Variants in ZNF704 observed in about 807,000 individuals in gnomAD.
ZNF704 encodes zinc finger protein 704.
ZNF704 carries 10 observed loss-of-function variants against 44.7 expected under a neutral mutation model. The ratio of observed to expected loss-of-function variants is 0.22; its 90% CI spans 0.14 to 0.38. ZNF704 has a LOEUF of 0.38. Among genes scored for constraint, ZNF704 ranks in the 10% least tolerant of loss-of-function variants. The pLI, the probability that ZNF704 is intolerant of heterozygous loss-of-function variation, is 1.00. For synonymous variants in ZNF704, 211 were observed against 207.6 expected (o/e 1.02, Z -0.14); for missense variants, 390 against 545.5 (o/e 0.71, Z 2.84).
chr8:80,848,614 G>A (rs1020538575), intron 1 of ZNF704, among the ~76,000 whole-genome samples: 2 of 152,052 alleles, frequency 1.3e-5, no homozygotes, highest in Admixed American at 1.3e-4. Context: ...GGGGGCCAAG[G>A]TGGGTGGATC....
intron 2 of ZNF704, among the ~76,000 whole-genome samples, chr8:80,763,426 C>G (rs894738904): frequency 6.6e-6 from 1 of 152,240 alleles, no homozygotes; most frequent in African/African-American, 2.4e-5. Flanking sequence ...CAAATGGAAG[C>G]TGCCAAGGCT....
chr8:80,663,445 T>C (rs1818133037), intron 6 of ZNF704, among the ~76,000 whole-genome samples: 1 of 151,852 alleles, frequency 6.6e-6, no homozygotes, highest in Admixed American at 6.6e-5. Flanking sequence ...GATTTGTCCC[T>C]AAGGTCTTCT....
intron 2 of ZNF704, among the ~76,000 whole-genome samples, chr8:80,782,491 A>G (rs1245842063): frequency 6.6e-6 from 1 of 152,190 alleles, no homozygotes; most frequent in East Asian, 1.9e-4. Flanking sequence ...TTTTGGCTGC[A>G]TTAATACAAT....
intron 3 of ZNF704, among the ~76,000 whole-genome samples, chr8:80,691,329 A>T (rs899657222): frequency 6.6e-6 from 1 of 152,230 alleles, no homozygotes; most frequent in Non-Finnish European, 1.5e-5. Flanking sequence ...AGTGAACTGC[A>T]ATCTGCAACT....
At chr8:80,881,170 C>G in the ZNF704 span, among the ~76,000 whole-genome samples, 3 of 152,198 alleles carry the variant, frequency 2.0e-5, no homozygotes, top group Admixed American at 6.5e-5. Context: ...AGTTATTCAT[C>G]CTAGAGGAAC....
chr8:80,769,019 C>T (rs1028499848), intron 2 of ZNF704, among the ~76,000 whole-genome samples: 7 of 152,126 alleles, frequency 4.6e-5, no homozygotes, highest in African/African-American at 1.4e-4. Context: ...AAACAGCATA[C>T]ATTTTAGTTT....
At chr8:80,664,278 T>G (rs1467942021) in intron 6 of ZNF704, among the ~76,000 whole-genome samples, 2 of 151,296 alleles carry the variant, frequency 1.3e-5, no homozygotes, top group East Asian at 3.9e-4. Context: ...AGGGATTTTT[T>G]TTTTTTTTTT....
intron 1 of ZNF704, among the ~76,000 whole-genome samples, chr8:80,828,766 G>A (rs575031835): frequency 2.0e-4 from 31 of 152,154 alleles, no homozygotes; most frequent in Admixed American, 8.5e-4. Context: ...AGGTATTAAC[G>A]ACTAGAAATT....
intron 2 of ZNF704, 139 bp from the exon 3 acceptor site, chr8:80,693,246 G>A: frequency 1.4e-6 from 1 of 712,742 alleles, no homozygotes; most frequent in Non-Finnish European, 2.4e-6. Context: ...TTATTTTATA[G>A]ATGAGGAAGC....
At position 80,868,138 on chromosome 8, in the gene ZNF704, G is replaced by A. The variant is rs934790785; in HGVS notation, c.-22+6433C>T. On this transcript the variant is annotated intron_variant, in intron 1 of 8. Coordinates refer to ENST00000327835, the MANE Select transcript of ZNF704 (RefSeq NM_001033723.3). ...ATGTTTGACAGTGCCTTTGTTTTTC[G>A]TCTGTTTGTGTGTTTGTTTCTTTTC... Among the ~76,000 whole-genome samples, 11 of 152,090 alleles carry A rather than the reference G, an allele frequency of 7.2e-5. No individual in the cohort carries two copies. In the East Asian group the frequency reaches 7.7e-4, roughly 11 times the overall value.
upstream of ZNF704, among the ~76,000 whole-genome samples, chr8:80,876,991 G>A (rs1809363792): frequency 6.7e-6 from 1 of 149,446 alleles, no homozygotes; most frequent in African/African-American, 2.4e-5. Context: ...TGAGAACCTA[G>A]AGGAAATACA....
intron 2 of ZNF704, among the ~76,000 whole-genome samples, chr8:80,814,957 G>A (rs1476484785): frequency 2.6e-5 from 4 of 152,134 alleles, no homozygotes; most frequent in African/African-American, 9.7e-5. Context: ...TAAAAGAAAG[G>A]AGAAAATGTA....
At chr8:80,842,685 T>A (rs894249093) in intron 1 of ZNF704, among the ~76,000 whole-genome samples, 2 of 152,164 alleles carry the variant, frequency 1.3e-5, no homozygotes, top group Admixed American at 6.5e-5. Context: ...AGCTTCTGTT[T>A]GGAGTAAGCC....
chr8:80,825,186 C>T (rs1236504645), intron 1 of ZNF704, among the ~76,000 whole-genome samples: 25 of 151,846 alleles, frequency 1.6e-4, no homozygotes, highest in South Asian at 4.2e-4. Flanking sequence ...ACCCATCTCA[C>T]GTGCAGAGAC....
intron 2 of ZNF704, among the ~76,000 whole-genome samples, chr8:80,798,928 G>A (rs1807854649): frequency 6.6e-6 from 1 of 152,174 alleles, no homozygotes; most frequent in Non-Finnish European, 1.5e-5. Flanking sequence ...TCTTGCTGGT[G>A]GGAACTCTTT....
chr8:80,870,484 C>T (rs958598033), intron 1 of ZNF704, among the ~76,000 whole-genome samples: 1 of 152,216 alleles, frequency 6.6e-6, no homozygotes, highest in Non-Finnish European at 1.5e-5. Context: ...TCCATCTTAT[C>T]TAATCCAAAT....
intron 7 of ZNF704, among the ~76,000 whole-genome samples, chr8:80,652,920 T>C (rs1170370162): frequency 6.6e-6 from 1 of 152,190 alleles, no homozygotes; most frequent in Non-Finnish European, 1.5e-5. Context: ...AAATCCTTAA[T>C]AAAATACTGG....
At chr8:80,730,139 T>C (rs1194697332) in intron 2 of ZNF704, among the ~76,000 whole-genome samples, 1 of 152,172 alleles carries the variant, frequency 6.6e-6, no homozygotes, top group Non-Finnish European at 1.5e-5. Context: ...AGGAAATAGA[T>C]TTAAATAATG....
At chr8:80,750,745 C>T (rs1398070802) in intron 2 of ZNF704, among the ~76,000 whole-genome samples, 1 of 152,096 alleles carries the variant, frequency 6.6e-6, no homozygotes, top group Non-Finnish European at 1.5e-5. Flanking sequence ...GAATGCCTGA[C>T]CTCAGGTGAT....
Sources: allele counts gnomAD v4.1 joint callset (sites outside exome capture counted in the v4.1 genomes callset), GRCh38; gene constraint gnomAD v4.1.1; transcripts MANE v1.5; gene names NCBI Gene and HGNC (gene_info 2026-07-23, HGNC 2026-07-21).